Variants in ZDHHC20 observed in about 807,000 individuals in gnomAD.
The protein encoded by ZDHHC20 is zDHHC palmitoyltransferase 20.
ZDHHC20 carries 43 observed loss-of-function variants against 57.8 expected under a neutral mutation model. The ratio of observed to expected loss-of-function variants is 0.74; its 90% CI spans 0.58 to 0.96. The LOEUF (loss-of-function observed/expected upper bound fraction) is 0.96. ZDHHC20 is among the 40% of genes least tolerant of loss of function. The probability of loss-of-function intolerance (pLI) is 0.00; values close to 1 mark genes in which losing one functional copy is unlikely to be tolerated. For missense variants in ZDHHC20, 391 were observed against 441.1 expected (o/e 0.89, Z 1.02); for synonymous variants, 157 against 153.0 (o/e 1.03, Z -0.19).
At chr13:21,409,508 T>G (rs1878917726) in intron 4 of ZDHHC20, among the ~76,000 whole-genome samples, 1 of 152,216 alleles carries the variant, frequency 6.6e-6, no homozygotes, top group South Asian at 2.1e-4. Flanking sequence ...CTTTTATTCT[T>G]TATTAGTCTG....
At chr13:21,419,420 AGC>A (rs1880392044) in intron 3 of ZDHHC20, among the ~76,000 whole-genome samples, 1 of 152,246 alleles carries the variant, frequency 6.6e-6, no homozygotes, top group Non-Finnish European at 1.5e-5. Context: ...TGTTTATAGC[AGC>A]CCTATTTGTA....
intron 1 of ZDHHC20, among the ~76,000 whole-genome samples, chr13:21,431,929 A>G (rs1308423396): frequency 1.3e-5 from 2 of 152,174 alleles, no homozygotes; most frequent in Non-Finnish European, 2.9e-5. Context: ...TGTCTTTTGA[A>G]GAGCACAAAC....
At chr13:21,378,821 A>G in intron 11 of ZDHHC20, 83 bp from the exon 12 acceptor site, 1 of 729,102 alleles carries the variant, frequency 1.4e-6, no homozygotes, top group Non-Finnish European at 2.0e-6. Flanking sequence ...GTAAAATGAC[A>G]GCAAAAATGA....
intron 4 of ZDHHC20, among the ~76,000 whole-genome samples, chr13:21,407,083 G>A (rs989543299): frequency 2.0e-5 from 3 of 152,136 alleles, no homozygotes; most frequent in African/African-American, 7.2e-5. Flanking sequence ...CCATCTCCCA[G>A]GTTCAAGTGA....
At chr13:21,378,768 CAAAA>C (rs751093398) in intron 11 of ZDHHC20, 30 bp from the exon 12 acceptor site, 1,681 of 684,036 alleles carry the variant, frequency 2.5e-3, no homozygotes, top group South Asian at 4.8e-3. Flanking sequence ...TATGACATGA[CAAAA>C]AAAAAAAAAA....
intron 7 of ZDHHC20, among the ~76,000 whole-genome samples, chr13:21,397,574 T>C (rs1438845564): frequency 2.6e-5 from 4 of 152,014 alleles, no homozygotes; most frequent in African/African-American, 4.8e-5. Flanking sequence ...AGGCAGGGGA[T>C]TGCTTGAGCC....
intron 4 of ZDHHC20, among the ~76,000 whole-genome samples, chr13:21,410,170 G>A (rs1396110863): frequency 6.6e-6 from 1 of 152,162 alleles, no homozygotes; most frequent in Non-Finnish European, 1.5e-5. Flanking sequence ...GGAGTTTGCT[G>A]GAAGTCCACT....
chr13:21,397,259 G>A (rs553538489), intron 7 of ZDHHC20, among the ~76,000 whole-genome samples: 19 of 151,784 alleles, frequency 1.3e-4, no homozygotes, highest in Non-Finnish European at 2.6e-4. Context: ...CCAGGAAGTG[G>A]AGGTTGCAGT....
At chr13:21,458,934 G>T (rs1885154574) in intron 1 of ZDHHC20, 120 bp downstream of exon 1, 1 of 694,218 alleles carries the variant, frequency 1.4e-6, no homozygotes, top group Non-Finnish European at 2.2e-6. Context: ...GCGCGTTCGG[G>T]GCCGGACGCC....
At chr13:21,448,744 A>G (rs1239740445) in intron 1 of ZDHHC20, among the ~76,000 whole-genome samples, 5 of 97,140 alleles carry the variant, frequency 5.1e-5, no homozygotes, top group African/African-American at 1.6e-4. Flanking sequence ...AGAACGGGCC[A>G]GGATGACAAT....
intron 11 of ZDHHC20, 123 bp from the exon 12 acceptor site, chr13:21,378,861 G>C: frequency 2.2e-6 from 1 of 461,380 alleles, no homozygotes; most frequent in Non-Finnish European, 3.6e-6. Context: ...TAGGCTTATG[G>C]TGTCAACCAT....
chr13:21,423,957 T>C (rs1880954632), intron 2 of ZDHHC20, among the ~76,000 whole-genome samples: 1 of 151,970 alleles, frequency 6.6e-6, no homozygotes, highest in African/African-American at 2.4e-5. Flanking sequence ...ATACTTTAAA[T>C]GTAAAAACAA....
intron 5 of ZDHHC20, 65 bp downstream of exon 5, chr13:21,402,732 C>T: frequency 7.5e-7 from 1 of 1,330,444 alleles, no homozygotes; most frequent in African/African-American, 1.5e-5. Flanking sequence ...TGTTCCTTCC[C>T]CTTGCACTTT....
At chr13:21,441,627 T>A (rs1227439600) in intron 1 of ZDHHC20, among the ~76,000 whole-genome samples, 1 of 145,466 alleles carries the variant, frequency 6.9e-6, no homozygotes, top group Non-Finnish European at 1.5e-5. Context: ...ATGGTCTTGA[T>A]CTCCTGACCT....
At chr13:21,449,605 A>G (rs955607727) in intron 1 of ZDHHC20, among the ~76,000 whole-genome samples, 2 of 151,516 alleles carry the variant, frequency 1.3e-5, no homozygotes, top group African/African-American at 4.9e-5. Flanking sequence ...TAAACAGACT[A>G]TTTCTTGATG....
intron 7 of ZDHHC20, among the ~76,000 whole-genome samples, chr13:21,397,366 G>A (rs996832864): frequency 1.3e-5 from 2 of 151,330 alleles, no homozygotes; most frequent in African/African-American, 4.9e-5. Context: ...TCAAGGTCAA[G>A]AATAACGATT....
intron 1 of ZDHHC20, among the ~76,000 whole-genome samples, chr13:21,427,415 G>C (rs2137935580): frequency 6.6e-6 from 1 of 152,260 alleles, no homozygotes; most frequent in Non-Finnish European, 1.5e-5. Context: ...ATAATATACT[G>C]TGTTATCACC....
chr13:21,440,657 T>TGTGTGTATATATATATATGTGTATAC (rs1883052135), intron 1 of ZDHHC20, among the ~76,000 whole-genome samples: 1 of 152,000 alleles, frequency 6.6e-6, no homozygotes, highest in Non-Finnish European at 1.5e-5. Flanking sequence ...TGTATATATA[T>TGTGTGTATATATATATATGTGTATAC]ATATGACAAA....
In ZDHHC20 at chr13:21,433,257, C is replaced by A. The variant is rs1464920165; in HGVS notation, c.119-7579G>T. ...ACTATAGGCCTCCTGAGTAGCTAGA[C>A]AGCTTGCATGCCATTGTGTCTGGCC... On this transcript the variant is annotated intron_variant, in intron 1 of 12. Coordinates refer to ENST00000400590, the MANE Select transcript of ZDHHC20 (RefSeq NM_001330059.2). 2.0e-5 allele frequency among the ~76,000 whole-genome samples: 3 copies of A among 152,062 alleles called. No individual in the cohort carries two copies. The East Asian group carries it at 5.8e-4, about 29-fold the overall frequency.
Sources: gnomAD v4.1 joint callset for allele counts (sites outside exome capture counted in the v4.1 genomes callset) on GRCh38, gnomAD v4.1.1 for gene constraint, MANE v1.5 for transcripts, NCBI Gene and HGNC (gene_info 2026-07-23, HGNC 2026-07-21) for gene names.